GPR107: variants seen among roughly 807,000 people sequenced by gnomAD.
GPR107 encodes the protein G protein-coupled receptor 107, also known as protein GPR107.
Under a neutral mutation model 75.5 loss-of-function variants are expected in GPR107, and 31 were observed. The observed-to-expected ratio is 0.41, with a 90% CI of 0.31 to 0.55. The LOEUF is 0.55. GPR107 is among the 20% of genes least tolerant of loss of function. GPR107 has a pLI of 0.26. For synonymous variants in GPR107, 267 were observed against 251.3 expected (o/e 1.06, Z -0.59); for missense variants, 572 against 665.7 (o/e 0.86, Z 1.55).
In GPR107 at chr9:130,103,982, C is replaced by T. The variant is rs77072869; in HGVS notation, c.1132-438C>T. On this transcript the variant is annotated intron_variant, in intron 12 of 17. Coordinates refer to ENST00000347136, the MANE Select transcript of GPR107 (RefSeq NM_020960.5). This position sits in a 1 kb window ranked among gnomAD's most constrained non-coding sequence, Gnocchi z 4.3. ...CTGGGAGCATCTTGAAGTCTCCACTCGCATCTGTCTTCTGGGCTGAGAAGC... is the reference window on the plus strand; with the variant it reads ...CTGGGAGCATCTTGAAGTCTCCACTTGCATCTGTCTTCTGGGCTGAGAAGC... 0.022 allele frequency among the ~76,000 whole-genome samples: 3,344 copies of T among 152,238 alleles called. 54 individuals are homozygous for T. Among genetic ancestry groups the T allele is most frequent in the Middle Eastern group, 0.034 (10 of 294 alleles).
rs756250050 is a variant in GPR107, at chr9:130,090,951, T to C, written c.697T>C (p.Leu233=). Residue 233 remains leucine (L), a synonymous_variant, in exon 8 of 18, where the codon TTG becomes CTG. Coordinates refer to ENST00000347136, the MANE Select transcript of GPR107 (RefSeq NM_020960.5). ...TTTTCATAAATGCCTTGGAAAAGAA[T>C]TGCCAAGTGACAAGTTTACATTCAG... is the stretch of plus-strand genomic sequence containing the variant. The part of the protein sequence containing the change: ...LYFHKCLGKE[L]PSDKFTFSLD... 25 of 1,530,894 alleles carry C rather than the reference T, an allele frequency of 1.6e-5. No individual in the cohort carries two copies. In the South Asian group the frequency reaches 1.7e-4, roughly 10 times the overall value. The allele number at this position is 1,530,894 out of a possible 1,614,324, so 94.8% of individuals were successfully genotyped here.
Position 130,079,681 on chromosome 9 carries a change from C to G in GPR107, c.438C>G (p.Ile146Met). The G allele has an allele frequency of 6.2e-7, 1 of 1,612,672 alleles. No homozygotes were observed. The highest frequency in any genetic ancestry group is 1.1e-5 in the South Asian group (1 of 91,042). ...PEAGTQLPKIIFSRDEKVLGQ... is the reference protein window; with the variant it reads ...PEAGTQLPKIMFSRDEKVLGQ... ...CTGGTACCCAGTTACCAAAGATCAT[C>G]TTCAGCAGGGATGAGAAAGTCCTTG... Residue 146 changes from isoleucine (I) to methionine (M), a missense_variant, in exon 5 of 18, where the codon ATC becomes ATG. By Grantham distance (10) the Ile-to-Met change is conservative (BLOSUM62 1). Coordinates refer to ENST00000347136, the MANE Select transcript of GPR107 (RefSeq NM_020960.5).
At chr9:130,085,780 G>A (rs1244556900) in intron 6 of GPR107, among the ~76,000 whole-genome samples, 1 of 27,584 alleles carries the variant, frequency 3.6e-5, no homozygotes, top group Non-Finnish European at 7.5e-5. Context: ...TTGCCGGGGG[G>A]AACGCAGTCT....
chr9:130,093,207 G>A (rs532992861), intron 9 of GPR107, among the ~76,000 whole-genome samples: 1 of 97,160 alleles, frequency 1.0e-5, no homozygotes, highest in South Asian at 3.8e-4. Flanking sequence ...CTGGCTTTTA[G>A]CCTTTTTTTT....
chr9:130,076,492 C>T (rs770815690), intron 3 of GPR107, 30 bp downstream of exon 3: 2 of 1,368,340 alleles, frequency 1.5e-6, no homozygotes, highest in Middle Eastern at 1.8e-4. Flanking sequence ...CCTGATTCAT[C>T]TCTTCACCTG....
At position 130,059,965 on chromosome 9, in the gene GPR107, C is replaced by G. The variant is rs1325916747; in HGVS notation, c.141+5892C>G. On this transcript the variant is annotated intron_variant, in intron 1 of 17. Transcript: ENST00000347136. ...ATATTGGTCAGTCTGGTCTCGAACT[C>G]CTGACCTCAGGTGATTTACCCGCCT... Among the ~76,000 whole-genome samples, 9 of 151,852 alleles carry G rather than the reference C, an allele frequency of 5.9e-5. No homozygotes were observed. In the South Asian group the frequency reaches 1.7e-3, roughly 28 times the overall value.
At chr9:130,094,930 C>T (rs1362341375) in intron 9 of GPR107, among the ~76,000 whole-genome samples, 3 of 152,192 alleles carry the variant, frequency 2.0e-5, no homozygotes, top group Non-Finnish European at 4.4e-5. Flanking sequence ...ATCCACCTGC[C>T]TTGGCCTCCC....
intron 1 of GPR107, 118 bp downstream of exon 1, chr9:130,054,191 G>A: frequency 9.6e-7 from 1 of 1,038,150 alleles, no homozygotes; most frequent in East Asian, 2.8e-5. Context: ...GCCCCTGGCT[G>A]CGGCCTTTCA....
At chr9:130,113,178 G>A (rs1417994763) in intron 14 of GPR107, among the ~76,000 whole-genome samples, 8 of 151,178 alleles carry the variant, frequency 5.3e-5, no homozygotes, top group African/African-American at 1.9e-4. Flanking sequence ...TTTGTTGCCA[G>A]TGATAAAAGA....
At chr9:130,056,820 G>A (rs1829801220) in intron 1 of GPR107, among the ~76,000 whole-genome samples, 1 of 150,566 alleles carries the variant, frequency 6.6e-6, no homozygotes, top group South Asian at 2.1e-4. Flanking sequence ...AGCTACTCGG[G>A]AGGCTGAGGC....
intron 1 of GPR107, among the ~76,000 whole-genome samples, chr9:130,066,875 A>G (rs1830083075): frequency 6.6e-6 from 1 of 151,936 alleles, no homozygotes; most frequent in Non-Finnish European, 1.5e-5. Flanking sequence ...AGTCCCAACT[A>G]CTCGGGAGGC....
chr9:130,105,858 C>T (rs941637694), intron 13 of GPR107, among the ~76,000 whole-genome samples: 3 of 151,694 alleles, frequency 2.0e-5, no homozygotes, highest in Admixed American at 1.3e-4. Flanking sequence ...CAGGGTTTTG[C>T]CATGTTGCCC....
chr9:130,062,727 T>A (rs1173435014), intron 1 of GPR107, among the ~76,000 whole-genome samples: 1 of 150,480 alleles, frequency 6.6e-6, no homozygotes, highest in Non-Finnish European at 1.5e-5. Context: ...CCGTCTTTTA[T>A]TTTTTTTTAA....
At chr9:130,120,240 G>A (rs750368064) in intron 14 of GPR107, among the ~76,000 whole-genome samples, 8 of 152,196 alleles carry the variant, frequency 5.3e-5, no homozygotes, top group Non-Finnish European at 1.0e-4. Flanking sequence ...TTTCTTCACT[G>A]GTGCCTGTGT....
intron 14 of GPR107, among the ~76,000 whole-genome samples, chr9:130,111,701 TG>T (rs1831307498): frequency 7.8e-4 from 1 of 1,282 alleles, no homozygotes; most frequent in African/African-American, 2.2e-3. Context: ...AGTTTTGGGG[TG>T]AATACAGTTT....
intron 15 of GPR107, among the ~76,000 whole-genome samples, chr9:130,125,468 G>A (rs9696679): frequency 0.98 from 148,559 of 150,912 alleles, 73,135 homozygotes; most frequent in East Asian, 1. Flanking sequence ...CCTGGGTTCA[G>A]AGCTCAAAAG....
intron 15 of GPR107, among the ~76,000 whole-genome samples, chr9:130,125,845 C>T (rs552518419): frequency 6.6e-6 from 1 of 151,770 alleles, no homozygotes; most frequent in East Asian, 1.9e-4. Context: ...GTCAGGAGAT[C>T]GAGACCATCC....
chr9:130,071,508 C>CTGAACTGGTGTCTTCATCGCTA (rs1830210632), intron 1 of GPR107, among the ~76,000 whole-genome samples: 1 of 152,046 alleles, frequency 6.6e-6, no homozygotes, highest in Non-Finnish European at 1.5e-5. Context: ...CATTTCTCCT[C>CTGAACTGGTGTCTTCATCGCTA]TGAACTGGTG....
rs779349140 is a variant in GPR107, at chr9:130,079,687, C to G, written c.444C>G (p.Ser148Arg). 1.2e-6 allele frequency: 2 copies of G among 1,611,758 alleles called. No homozygotes were observed. Among genetic ancestry groups the G allele is most frequent in the Admixed American group, 1.7e-5 (1 of 60,000 alleles). Residue 148 changes from serine (S) to arginine (R), a missense_variant, in exon 5 of 18, where the codon AGC becomes AGG. Physicochemically the swap from Ser to Arg is moderately radical, Grantham distance 110. Transcript: ENST00000347136. ...AGTQLPKIIF[S>R]RDEKVLGQSQ... ...CCCAGTTACCAAAGATCATCTTCAG[C>G]AGGGATGAGAAAGTCCTTGGTCAGA...
Sources: allele counts gnomAD v4.1 joint callset (sites outside exome capture counted in the v4.1 genomes callset), GRCh38; gene constraint gnomAD v4.1.1; non-coding constraint Gnocchi (gnomAD v3.1); transcripts MANE v1.5; gene names NCBI Gene and HGNC (gene_info 2026-07-23, HGNC 2026-07-21).